The following NTNG2 variants were observed in gnomAD, a reference collection of about 807,000 sequenced individuals.
NTNG2 encodes the protein netrin G2.
Under a neutral mutation model 47.6 loss-of-function variants are expected in NTNG2, and 15 were observed. The ratio of observed to expected loss-of-function variants is 0.32; its 90% confidence interval spans 0.21 to 0.49. NTNG2 has a LOEUF of 0.49. Among genes scored for constraint, NTNG2 ranks in the 20% least tolerant of loss-of-function variants. The probability of loss-of-function intolerance (pLI) is 0.99; values close to 1 mark genes in which losing one functional copy is unlikely to be tolerated. For missense variants in NTNG2, 578 were observed against 764.6 expected (o/e 0.76, Z 2.88); for synonymous variants, 307 against 324.6 (o/e 0.95, Z 0.58).
intron 3 of NTNG2, among the ~76,000 whole-genome samples, chr9:132,198,869 TTACCTGG>T (rs1228383582): frequency 6.6e-6 from 1 of 152,066 alleles, no homozygotes; most frequent in African/African-American, 2.4e-5. Flanking sequence ...TCTTGGGATG[TTACCTGG>T]TACCTGGGAC....
At chr9:132,225,371 A>G (rs1372622697) in intron 3 of NTNG2, among the ~76,000 whole-genome samples, 2 of 152,176 alleles carry the variant, frequency 1.3e-5, no homozygotes, top group African/African-American at 4.8e-5. Context: ...CCTGGGCTCA[A>G]GGGATCCTCC....
chr9:132,238,970 C>T (rs751735356), intron 5 of NTNG2, 134 bp from the exon 6 acceptor site: 8 of 875,862 alleles, frequency 9.1e-6, no homozygotes, highest in Non-Finnish European at 1.5e-5. Context: ...AGGCCTAGGG[C>T]ACCTTCCGGT....
At chr9:132,232,650 CT>C (rs1379594841) in intron 5 of NTNG2, 1 of 152,282 alleles carries the variant, frequency 6.6e-6, no homozygotes, top group Non-Finnish European at 1.5e-5. Flanking sequence ...AAGGGGAATT[CT>C]TCCTGGTCCC....
intron 5 of NTNG2, among the ~76,000 whole-genome samples, chr9:132,238,425 C>T (rs866727973): frequency 9.2e-5 from 14 of 152,218 alleles, no homozygotes; most frequent in Middle Eastern, 3.4e-3. Flanking sequence ...CCAGGAGCAG[C>T]GAGTCAGAAG....
At chr9:132,235,050 C>A (rs1345057394) in intron 5 of NTNG2, among the ~76,000 whole-genome samples, 1 of 152,318 alleles carries the variant, frequency 6.6e-6, no homozygotes, top group African/African-American at 2.4e-5. Flanking sequence ...CGTTAGTCTA[C>A]GGGCTGAGCG....
chr9:132,239,048 TCA>T, intron 5 of NTNG2, 54 bp from the exon 6 acceptor site: 1 of 1,569,552 alleles, frequency 6.4e-7, no homozygotes, highest in East Asian at 2.3e-5. Flanking sequence ...GCCCTGTCCC[TCA>T]GTTTCCCTGA....
intron 2 of NTNG2, among the ~76,000 whole-genome samples, chr9:132,176,844 T>C (rs772425332): frequency 1.4e-4 from 22 of 152,364 alleles, no homozygotes; most frequent in East Asian, 9.6e-4. Context: ...CGAATCCTTG[T>C]CAACACTTGT....
At chr9:132,205,229 G>A (rs1839076880) in intron 3 of NTNG2, among the ~76,000 whole-genome samples, 1 of 152,144 alleles carries the variant, frequency 6.6e-6, no homozygotes, top group Non-Finnish European at 1.5e-5. Context: ...ATCAACAAAT[G>A]AAGACATAAA....
chr9:132,183,054 C>T (rs1837071620), intron 2 of NTNG2, among the ~76,000 whole-genome samples: 1 of 152,192 alleles, frequency 6.6e-6, no homozygotes, highest in Non-Finnish European at 1.5e-5. Flanking sequence ...AGCATCTTGT[C>T]GTCTTAAAAC....
chr9:132,168,983 C>T (rs1343565323), intron 2 of NTNG2, among the ~76,000 whole-genome samples: 7 of 152,188 alleles, frequency 4.6e-5, no homozygotes, highest in Non-Finnish European at 1.5e-5. Context: ...CCCCCACCCT[C>T]AGACAGAGAA....
chr9:132,231,840 A>AATGATACG lies in NTNG2; in HGVS notation c.1054+1245_1054+1246insATGATACG. 1.3e-5 allele frequency: 2 copies of AATGATACG among 159,258 alleles called. No individual in the cohort carries two copies. Among genetic ancestry groups the AATGATACG allele is most frequent in the Admixed American group, 5.9e-5 (1 of 16,816 alleles). The allele number at this position is 159,258 out of a possible 1,614,324, so 9.9% of individuals were successfully genotyped here. A position where few individuals can be genotyped will look rare whatever the true frequency, so the allele number is the denominator to read the frequency against. On this transcript the variant is annotated intron_variant, in intron 5 of 7. Coordinates refer to ENST00000393229, the MANE Select transcript of NTNG2 (RefSeq NM_032536.4). The surrounding 1 kb of genome is among the most constrained non-coding windows in gnomAD (Gnocchi z 4.1). ...TGTCATCCCACCCTCTCCTGCTTCT[A>AATGATACG]GCCTGGGTCCCTGCCTCTCTTGGGG...
In NTNG2 at chr9:132,166,939, C is replaced by G. The variant is rs1835535637; in HGVS notation, c.108C>G (p.Phe36Leu). The change falls in exon 2 of 8, where the codon TTC becomes TTG. Residue 36 changes from phenylalanine to leucine, a missense_variant. By Grantham distance (22) the Phe-to-Leu change is conservative (BLOSUM62 0). Transcript: ENST00000393229. ...CAGATGAGGGCCCCACCTGGGAGTT[C>G]TACGCCTGCCAGCCCAAGGTGATGC... ...VTTDEGPTWE[F>L]YACQPKVMRL... 1 of 1,614,258 alleles carries G rather than the reference C, an allele frequency of 6.2e-7. No homozygotes were observed. Among genetic ancestry groups the G allele is most frequent in the Non-Finnish European group, 8.5e-7 (1 of 1,180,038 alleles).
At chr9:132,209,735 T>TA (rs925183219) in intron 3 of NTNG2, among the ~76,000 whole-genome samples, 5 of 148,052 alleles carry the variant, frequency 3.4e-5, no homozygotes, top group African/African-American at 1.3e-4. Context: ...GAAATAGGGG[T>TA]AAAAAAGAGG....
At chr9:132,241,833 G>A (rs989415109) in intron 7 of NTNG2, 43 bp from the exon 8 acceptor site, 6 of 1,413,802 alleles carry the variant, frequency 4.2e-6, no homozygotes, top group Middle Eastern at 2.3e-4. Flanking sequence ...GTTGGCGGGG[G>A]GACCGGGCCA....
intron 6 of NTNG2, chr9:132,240,646 C>G: frequency 1.8e-6 from 1 of 570,398 alleles, no homozygotes; most frequent in Non-Finnish European, 3.1e-6. Flanking sequence ...AAGGGGCTGA[C>G]CCAGGCCACA....
intron 3 of NTNG2, among the ~76,000 whole-genome samples, chr9:132,223,297 A>G (rs1840484571): frequency 6.6e-6 from 1 of 152,124 alleles, no homozygotes; most frequent in Admixed American, 6.5e-5. Context: ...CCCCACCCAG[A>G]TCCTTGCTCT....
chr9:132,224,599 C>A (rs1340186926), intron 3 of NTNG2, among the ~76,000 whole-genome samples: 1 of 152,200 alleles, frequency 6.6e-6, no homozygotes, highest in Non-Finnish European at 1.5e-5. Flanking sequence ...TGCCACATAA[C>A]AGGTGCCTGA....
chr9:132,168,669 G>A (rs941678950), intron 2 of NTNG2, among the ~76,000 whole-genome samples: 1 of 152,138 alleles, frequency 6.6e-6, no homozygotes, highest in Non-Finnish European at 1.5e-5. Context: ...CTGGGCTCTG[G>A]AAGCCAGGAG....
At chr9:132,237,924 G>A (rs1589565236) in intron 5 of NTNG2, among the ~76,000 whole-genome samples, 4 of 152,206 alleles carry the variant, frequency 2.6e-5, no homozygotes, top group African/African-American at 9.6e-5. Flanking sequence ...ACAAAGTGAA[G>A]GGGGCAGGAC....
Sources: allele counts gnomAD v4.1 joint callset (sites outside exome capture counted in the v4.1 genomes callset), GRCh38; gene constraint gnomAD v4.1.1; non-coding constraint Gnocchi (gnomAD v3.1); transcripts MANE v1.5; gene names NCBI Gene and HGNC (gene_info 2026-07-23, HGNC 2026-07-21).